Variants in PAH observed in about 807,000 individuals in gnomAD.
PAH encodes phenylalanine hydroxylase.
A neutral mutation model predicts 62.0 loss-of-function variants in PAH; 64 were observed. The observed-to-expected ratio is 1.03, with a 90% confidence interval of 0.84 to 1.27. PAH has a LOEUF of 1.27. Ranked by LOEUF, PAH falls within the 50% of genes most tolerant of loss-of-function variation. The pLI, the probability that PAH is intolerant of heterozygous loss-of-function variation, is 0.00. For missense variants in PAH, 579 were observed against 542.8 expected, an observed-to-expected ratio of 1.07 and a Z score of -0.66; for synonymous variants, 195 against 196.2, an observed-to-expected ratio of 0.99 and a Z score of 0.05.
upstream of PAH, among the ~76,000 whole-genome samples, chr12:102,922,013 T>C (rs1266695639): frequency 6.6e-6 from 1 of 152,144 alleles, no homozygotes; most frequent in Non-Finnish European, 1.5e-5. Context: ...TAAAACCTAG[T>C]GAAAATTATT....
chr12:102,864,940 T>C (rs892059279), intron 5 of PAH, among the ~76,000 whole-genome samples: 8 of 152,194 alleles, frequency 5.3e-5, no homozygotes, highest in African/African-American at 1.9e-4. Flanking sequence ...AGGCTTTTAA[T>C]TTTTTAAAAA....
chr12:102,913,306 T>C (rs1038060813), intron 1 of PAH, among the ~76,000 whole-genome samples: 1 of 152,150 alleles, frequency 6.6e-6, no homozygotes, highest in Non-Finnish European at 1.5e-5. Context: ...AACTGAAAGA[T>C]CCTTAGAGGT....
chr12:102,889,533 C>A (rs371363470), intron 3 of PAH, among the ~76,000 whole-genome samples: 5,922 of 113,900 alleles, frequency 0.052, 211 homozygotes, highest in African/African-American at 0.15. Context: ...GATAGATAGA[C>A]GGATAGATAG....
At chr12:102,923,555 C>A (rs1336301349) in intron 1 of PAH, 1 of 152,142 alleles carries the variant, frequency 6.6e-6, no homozygotes, top group Non-Finnish European at 1.5e-5. Flanking sequence ...GGCCTATAGA[C>A]CATCCATGAG....
chr12:102,917,007 T>A (rs1878407742), intron 1 of PAH, 64 bp downstream of exon 1: 1 of 1,438,124 alleles, frequency 7.0e-7, no homozygotes. Context: ...CCAGCAGTCT[T>A]CGGATCTCTT....
rs1053381894 is a variant in PAH at position 102,838,284 on chromosome 12, G to C, written c.*891C>G. 1.3e-5 allele frequency: 2 copies of C among 152,146 alleles called. No homozygotes were observed. Among genetic ancestry groups the C allele is most frequent in the African/African-American group, 4.8e-5 (2 of 41,436 alleles). 9.4% of individuals were successfully genotyped at this position (152,146 alleles called of 1,614,324 possible). A position where few individuals can be genotyped will look rare whatever the true frequency, so the allele number is the denominator to read the frequency against. On this transcript the variant is annotated 3_prime_UTR_variant, in exon 13 of 13. Transcript: ENST00000553106. ...TAATGTATTTCTAAGGCAGTGAGAG[G>C]AATATTTCATTCCAGGAAATAACTG...
chr12:102,905,050 G>A (rs1445514127), intron 2 of PAH, among the ~76,000 whole-genome samples: 1 of 152,114 alleles, frequency 6.6e-6, no homozygotes, highest in Non-Finnish European at 1.5e-5. Context: ...TTCCTGATGG[G>A]GTAAAATAAA....
chr12:102,895,131 T>TCC (rs1877448526), intron 2 of PAH, among the ~76,000 whole-genome samples: 1 of 152,196 alleles, frequency 6.6e-6, no homozygotes, highest in East Asian at 1.9e-4. Flanking sequence ...GGTGGGGCAG[T>TCC]TAGTTCACAT....
intron 3 of PAH, among the ~76,000 whole-genome samples, chr12:102,884,627 G>A (rs965940931): frequency 6.6e-6 from 1 of 152,136 alleles, no homozygotes; most frequent in Non-Finnish European, 1.5e-5. Context: ...CAAAACAGGT[G>A]CATCTGTGGC....
intron 1 of PAH, among the ~76,000 whole-genome samples, chr12:102,945,803 C>T (rs1442009435): frequency 6.6e-6 from 1 of 152,124 alleles, no homozygotes; most frequent in Non-Finnish European, 1.5e-5. Flanking sequence ...TGCGGCCAAC[C>T]TCATACCCAA....
At chr12:102,844,658 G>A (rs1180657202) in intron 9 of PAH, among the ~76,000 whole-genome samples, 2 of 152,174 alleles carry the variant, frequency 1.3e-5, no homozygotes, top group African/African-American at 2.4e-5. Context: ...AATCCCAGAT[G>A]GAAGAAAAAG....
At chr12:102,911,493 CA>C (rs1367926956) in intron 2 of PAH, among the ~76,000 whole-genome samples, 1 of 152,146 alleles carries the variant, frequency 6.6e-6, no homozygotes, top group Non-Finnish European at 1.5e-5. Context: ...CCCCTCTAAG[CA>C]TCAGTTTCTA....
intron 1 of PAH, among the ~76,000 whole-genome samples, chr12:102,938,160 G>A (rs1259360144): frequency 6.6e-6 from 1 of 152,198 alleles, no homozygotes; most frequent in Non-Finnish European, 1.5e-5. Context: ...AATGAGGCAG[G>A]ACAGCTGCCC....
chr12:102,849,205 A>C (rs1592950888), intron 8 of PAH, among the ~76,000 whole-genome samples: 2 of 152,200 alleles, frequency 1.3e-5, no homozygotes. Flanking sequence ...GGGTTAAGAG[A>C]AAAAGGAGTT....
At position 102,844,385 on chromosome 12, in the gene PAH, G is replaced by C; in HGVS notation, c.1016C>G (p.Ser339Cys). Residue 339 changes from serine (S) to cysteine (C), a missense_variant, in exon 10 of 13, where the codon TCC (serine) becomes TGC (cysteine). Ser to Cys is a moderately radical substitution (Grantham distance 112). Coordinates refer to ENST00000553106, the MANE Select transcript of PAH (RefSeq NM_000277.3). ...GAGCCCAGCACCATATGCCTTTATG[G>C]AGTCTCCTTGTTTGCAGAGCCCAAA... ...VEFGLCKQGD[S>C]IKAYGAGLLS... 3 of 1,613,870 alleles carry C rather than the reference G, an allele frequency of 1.9e-6. No homozygotes were observed. Among genetic ancestry groups the C allele is most frequent in the Non-Finnish European group, 1.7e-6 (2 of 1,179,836 alleles).
chr12:102,912,941 T>C (rs906522750), intron 1 of PAH, 43 bp from the exon 2 acceptor site: 4 of 1,334,234 alleles, frequency 3.0e-6, no homozygotes, highest in Admixed American at 3.4e-5. Flanking sequence ...TTCCACAGTT[T>C]AGCAATTCAT....
At chr12:102,951,942 T>C (rs1381920435), upstream of PAH, among the ~76,000 whole-genome samples, 1 of 152,178 alleles carries the variant, frequency 6.6e-6, no homozygotes, top group East Asian at 1.9e-4. Context: ...TACCACCCAC[T>C]GCACACTTGC....
At chr12:102,933,059 T>C (rs1214791108) in intron 1 of PAH, among the ~76,000 whole-genome samples, 3 of 152,226 alleles carry the variant, frequency 2.0e-5, no homozygotes, top group Non-Finnish European at 4.4e-5. Context: ...TGCTGTCAAA[T>C]ACTAGACGTT....
intron 1 of PAH, among the ~76,000 whole-genome samples, chr12:102,924,828 A>G (rs761789437): frequency 1.3e-5 from 2 of 152,160 alleles, no homozygotes; most frequent in South Asian, 2.1e-4. Context: ...AGGAGAATCA[A>G]TGAAAATATG....
Sources: allele counts gnomAD v4.1 joint callset (sites outside exome capture counted in the v4.1 genomes callset), GRCh38; gene constraint gnomAD v4.1.1; transcripts MANE v1.5; gene names NCBI Gene and HGNC (gene_info 2026-07-23, HGNC 2026-07-21).